The following LRRC4C variants were observed in gnomAD, a reference collection of about 807,000 sequenced individuals.
LRRC4C encodes leucine-rich repeat-containing protein 4C.
LRRC4C carries 5 observed loss-of-function variants against 33.6 expected under a neutral mutation model. That is an observed-to-expected ratio of 0.15 (90% CI 0.08 to 0.31). The LOEUF (loss-of-function observed/expected upper bound fraction) is 0.31, where lower values mean the gene tolerates loss of function less well. LRRC4C is among the 10% of genes least tolerant of loss of function. The pLI is 1.00. For synonymous variants in LRRC4C, 329 were observed against 302.0 expected (o/e 1.09, Z -0.93); for missense variants, 560 against 796.7 (o/e 0.70, Z 3.58).
intron 2 of LRRC4C, among the ~76,000 whole-genome samples, chr11:40,835,643 C>A (rs1952637187): frequency 6.6e-6 from 1 of 152,054 alleles, no homozygotes. Flanking sequence ...AAATCCCAGA[C>A]AATGCAAAAT....
chr11:40,846,923 G>C (rs759918380), intron 2 of LRRC4C, among the ~76,000 whole-genome samples: 4 of 152,112 alleles, frequency 2.6e-5, no homozygotes, highest in Non-Finnish European at 5.9e-5. Flanking sequence ...TGTGGCAATT[G>C]TGAGTGGGTG....
chr11:40,883,917 T>A (rs917028349), intron 2 of LRRC4C, among the ~76,000 whole-genome samples: 1 of 151,724 alleles, frequency 6.6e-6, no homozygotes, highest in African/African-American at 2.4e-5. Context: ...TAATTTTACT[T>A]TAAGTTCTGG....
intron 2 of LRRC4C, among the ~76,000 whole-genome samples, chr11:40,743,777 C>G (rs1242676354): frequency 1.3e-5 from 2 of 152,084 alleles, no homozygotes; most frequent in South Asian, 2.1e-4. Flanking sequence ...CCTTCAAGGT[C>G]CAGAAAGGTC....
At chr11:41,146,741 G>A (rs1019685059) in intron 1 of LRRC4C, among the ~76,000 whole-genome samples, 1 of 152,208 alleles carries the variant, frequency 6.6e-6, no homozygotes, top group Non-Finnish European at 1.5e-5. Flanking sequence ...GTAATTAAGA[G>A]TGCTCTCTTC....
At position 40,537,129 on chromosome 11, in the gene LRRC4C, A is replaced by G. The variant is rs563012813; in HGVS notation, c.-270+111013T>C. ...GTGAGGAAATATATGACCTTCAATA[A>G]CAAAAAATGGCCACATTTTAAATTT... is the stretch of plus-strand genomic sequence containing the variant. On this transcript the variant is annotated intron_variant, in intron 3 of 6. Coordinates refer to ENST00000528697, the MANE Select transcript of LRRC4C (RefSeq NM_001258419.2). Among the ~76,000 whole-genome samples the G allele has an allele frequency of 6.7e-3, 1,018 of 152,328 alleles. 17 individuals are homozygous for G. Among genetic ancestry groups the G allele is most frequent in the African/African-American group, 0.023 (976 of 41,578 alleles).
chr11:41,116,758 G>T (rs999524905), intron 1 of LRRC4C, among the ~76,000 whole-genome samples: 6 of 151,930 alleles, frequency 3.9e-5, no homozygotes, highest in African/African-American at 1.5e-4. Context: ...CTACCCCCAG[G>T]AATTTATCCT....
chr11:40,831,679 G>A (rs1206279665), intron 2 of LRRC4C, among the ~76,000 whole-genome samples: 1 of 152,070 alleles, frequency 6.6e-6, no homozygotes, highest in Admixed American at 6.6e-5. Context: ...TGGCTGCAGA[G>A]GCCTCACAAT....
chr11:41,028,353 T>C (rs1039487444), intron 1 of LRRC4C, among the ~76,000 whole-genome samples: 2 of 151,702 alleles, frequency 1.3e-5, no homozygotes, highest in African/African-American at 4.8e-5. Flanking sequence ...TTTGATTAAA[T>C]AGTAAGAATC....
Position 40,992,648 on chromosome 11 carries a change from A to G in LRRC4C, c.-495-58925T>C, listed in dbSNP as rs1052066368. Among the ~76,000 whole-genome samples the G allele has an allele frequency of 3.3e-5, 5 of 152,266 alleles. No individual in the cohort carries two copies. In the South Asian group the frequency reaches 6.2e-4, roughly 19 times the overall value. ...AAATTACGTTGTTTGATTTTTCCCC[A>G]TTGATCCTGGTAACATGCTCTGAAG... On this transcript the variant is annotated intron_variant, in intron 1 of 6. Coordinates refer to ENST00000528697, the MANE Select transcript of LRRC4C (RefSeq NM_001258419.2).
At chr11:41,158,355 C>A (rs935547427) in intron 1 of LRRC4C, among the ~76,000 whole-genome samples, 1 of 151,952 alleles carries the variant, frequency 6.6e-6, no homozygotes, top group Non-Finnish European at 1.5e-5. Context: ...GAAAAGTAAT[C>A]ATTAGATTGG....
intron 1 of LRRC4C, among the ~76,000 whole-genome samples, chr11:41,408,811 A>G (rs1038219091): frequency 2.7e-5 from 4 of 150,092 alleles, no homozygotes; most frequent in African/African-American, 9.9e-5. Context: ...TCATAGAGTT[A>G]TTATGGAAGT....
At chr11:40,969,096 G>A (rs929731887) in intron 1 of LRRC4C, among the ~76,000 whole-genome samples, 3 of 152,112 alleles carry the variant, frequency 2.0e-5, no homozygotes, top group Admixed American at 6.6e-5. Flanking sequence ...AACATTAACA[G>A]GAGTTTGGAA....
intron 1 of LRRC4C, among the ~76,000 whole-genome samples, chr11:41,239,321 CAA>C (rs56018613): frequency 0.013 from 716 of 55,100 alleles, 3 homozygotes; most frequent in African/African-American, 0.051. Flanking sequence ...GACTCTGTCT[CAA>C]AAAAAAAAAA....
chr11:40,999,213 T>G (rs924961645), intron 1 of LRRC4C, among the ~76,000 whole-genome samples: 3 of 152,120 alleles, frequency 2.0e-5, no homozygotes, highest in African/African-American at 7.2e-5. Flanking sequence ...CTCCTGGTAT[T>G]AGTTTGCTGA....
chr11:40,876,217 C>G (rs1056467044), intron 2 of LRRC4C, among the ~76,000 whole-genome samples: 12 of 144,960 alleles, frequency 8.3e-5, no homozygotes, highest in African/African-American at 3.1e-4. Context: ...GTTCACCAGG[C>G]TTATTCACAA....
intron 3 of LRRC4C, among the ~76,000 whole-genome samples, chr11:40,565,085 G>C (rs1185332872): frequency 6.6e-6 from 1 of 152,184 alleles, no homozygotes; most frequent in East Asian, 1.9e-4. Context: ...GGAGGAGAGA[G>C]ATGATAATAT....
intron 2 of LRRC4C, among the ~76,000 whole-genome samples, chr11:40,783,270 GTTTTA>G (rs140877222): frequency 0.14 from 21,341 of 150,282 alleles, 2,921 homozygotes; most frequent in African/African-American, 0.36. Context: ...AGTGAGCACT[GTTTTA>G]TTTTATTTTA....
intron 3 of LRRC4C, among the ~76,000 whole-genome samples, chr11:40,412,704 A>T (rs1851010885): frequency 6.6e-6 from 1 of 151,988 alleles, no homozygotes; most frequent in Non-Finnish European, 1.5e-5. Context: ...TGTAGTTAAG[A>T]GCATTTGTCC....
intron 3 of LRRC4C, among the ~76,000 whole-genome samples, chr11:40,594,554 A>G (rs1366488309): frequency 6.6e-6 from 1 of 152,206 alleles, no homozygotes; most frequent in Non-Finnish European, 1.5e-5. Flanking sequence ...ATAATATGCA[A>G]ACATTTTATA....
Sources: allele counts gnomAD v4.1 joint callset (sites outside exome capture counted in the v4.1 genomes callset), GRCh38; gene constraint gnomAD v4.1.1; transcripts MANE v1.5; gene names NCBI Gene and HGNC (gene_info 2026-07-23, HGNC 2026-07-21).